CCBE1: variants seen among roughly 807,000 people sequenced by gnomAD.
The protein encoded by CCBE1 is collagen and calcium binding EGF domains 1.
Under a neutral mutation model 50.0 loss-of-function variants are expected in CCBE1, and 37 were observed. The observed-to-expected ratio is 0.74, with a 90% CI of 0.57 to 0.97. The LOEUF (loss-of-function observed/expected upper bound fraction) is 0.97, where lower values mean the gene tolerates loss of function less well. Among genes scored for constraint, CCBE1 ranks in the 50% least tolerant of loss-of-function variants. CCBE1 has a pLI of 0.00. For synonymous variants in CCBE1, 234 were observed against 203.7 expected, an observed-to-expected ratio of 1.15 and a Z score of -1.27; for missense variants, 538 against 523.8, an observed-to-expected ratio of 1.03 and a Z score of -0.26.
At chr18:59,516,404 G>A (rs1221975787) in intron 2 of CCBE1, among the ~76,000 whole-genome samples, 1 of 152,160 alleles carries the variant, frequency 6.6e-6, no homozygotes, top group Non-Finnish European at 1.5e-5. Context: ...ATTAAGGCTG[G>A]GGGATAAGAA....
At chr18:59,508,111 T>C (rs997749590) in intron 2 of CCBE1, among the ~76,000 whole-genome samples, 1 of 151,868 alleles carries the variant, frequency 6.6e-6, no homozygotes, top group Non-Finnish European at 1.5e-5. Context: ...CAGGATGATC[T>C]CAATCTCTGG....
At chr18:59,512,957 A>G (rs542840847) in intron 2 of CCBE1, among the ~76,000 whole-genome samples, 2 of 152,244 alleles carry the variant, frequency 1.3e-5, no homozygotes, top group Non-Finnish European at 2.9e-5. Flanking sequence ...AAAAAAGAAA[A>G]TGAGACTTCT....
chr18:59,478,382 GA>G (rs2143765273), intron 3 of CCBE1, among the ~76,000 whole-genome samples: 1 of 152,236 alleles, frequency 6.6e-6, no homozygotes, highest in South Asian at 2.1e-4. Flanking sequence ...TTTGATGATA[GA>G]AACAATTATG....
At chr18:59,514,743 C>T (rs535268738) in intron 2 of CCBE1, among the ~76,000 whole-genome samples, 5 of 151,582 alleles carry the variant, frequency 3.3e-5, no homozygotes, top group Non-Finnish European at 7.4e-5. Context: ...TACCCTTTGC[C>T]ACGACACAGA....
chr18:59,452,683 T>C (rs752116432), intron 6 of CCBE1, among the ~76,000 whole-genome samples: 7 of 152,212 alleles, frequency 4.6e-5, no homozygotes, highest in Non-Finnish European at 5.9e-5. Flanking sequence ...GCCTGCCCTC[T>C]CGGACGGTTA....
At chr18:59,489,063 A>G (rs1210698453) in intron 2 of CCBE1, among the ~76,000 whole-genome samples, 1 of 152,242 alleles carries the variant, frequency 6.6e-6, no homozygotes, top group East Asian at 1.9e-4. Flanking sequence ...CTGCTCAAAG[A>G]CACAATAATT....
chr18:59,623,097 G>C (rs2144610144), intron 2 of CCBE1, among the ~76,000 whole-genome samples: 1 of 152,272 alleles, frequency 6.6e-6, no homozygotes, highest in East Asian at 1.9e-4. Context: ...CAGAATGTTG[G>C]TAGTGAGGAG....
intron 2 of CCBE1, among the ~76,000 whole-genome samples, chr18:59,518,522 C>G (rs184315516): frequency 6.6e-6 from 1 of 152,336 alleles, no homozygotes; most frequent in East Asian, 1.9e-4. Context: ...TCATCATATT[C>G]ACTGCTGTCT....
At chr18:59,598,394 T>C (rs559226638) in intron 2 of CCBE1, among the ~76,000 whole-genome samples, 2 of 152,304 alleles carry the variant, frequency 1.3e-5, no homozygotes, top group East Asian at 3.9e-4. Flanking sequence ...ACCAGCCACA[T>C]GTGCTGCTCC....
intron 2 of CCBE1, among the ~76,000 whole-genome samples, chr18:59,576,390 AG>A (rs1401979383): frequency 1.3e-5 from 2 of 152,264 alleles, no homozygotes; most frequent in Non-Finnish European, 1.5e-5. Flanking sequence ...CTGTTTTTAA[AG>A]TAGCTCATTA....
chr18:59,482,595 T>C (rs1014065116), intron 2 of CCBE1, among the ~76,000 whole-genome samples: 1 of 152,234 alleles, frequency 6.6e-6, no homozygotes, highest in Non-Finnish European at 1.5e-5. Context: ...TTATAATGCA[T>C]GTAGTTGCAA....
chr18:59,516,026 T>C (rs1270402848), intron 2 of CCBE1, among the ~76,000 whole-genome samples: 1 of 152,214 alleles, frequency 6.6e-6, no homozygotes, highest in Non-Finnish European at 1.5e-5. Flanking sequence ...TGGTGCGATC[T>C]CTGCTCACTG....
rs116006654 is a variant in CCBE1, at chr18:59,500,977, G to A, written c.213-20739C>T. Among the ~76,000 whole-genome samples the A allele has an allele frequency of 9.1e-3, 1,380 of 152,322 alleles. 11 individuals are homozygous for A. Among genetic ancestry groups the A allele is most frequent in the African/African-American group, 0.028 (1,153 of 41,566 alleles). Reference sequence around the variant, plus strand: ...CCACAACCACCCACACATTGGTTCTGTGATTACACCCAGTTTACAGGTGGA... The same window carrying A: ...CCACAACCACCCACACATTGGTTCTATGATTACACCCAGTTTACAGGTGGA... On this transcript the variant is annotated intron_variant, in intron 2 of 10. Transcript: ENST00000439986.
intron 2 of CCBE1, among the ~76,000 whole-genome samples, chr18:59,550,051 T>C (rs968597873): frequency 1.3e-5 from 2 of 152,216 alleles, no homozygotes; most frequent in Non-Finnish European, 2.9e-5. Flanking sequence ...CCTTAAAGCA[T>C]CTCTGGGTCC....
At chr18:59,625,449 A>AAAAAAAAAG (rs2053771279) in intron 2 of CCBE1, among the ~76,000 whole-genome samples, 1 of 151,738 alleles carries the variant, frequency 6.6e-6, no homozygotes, top group African/African-American at 2.4e-5. Context: ...AAAAAAAAAA[A>AAAAAAAAAG]AAAAATTGTA....
intron 7 of CCBE1, among the ~76,000 whole-genome samples, chr18:59,440,624 C>A (rs981454388): frequency 6.6e-6 from 1 of 152,126 alleles, no homozygotes; most frequent in Admixed American, 6.5e-5. Context: ...AGCAAACTCA[C>A]TCTCTCTTGC....
At chr18:59,665,687 A>T (rs906157304) in intron 2 of CCBE1, among the ~76,000 whole-genome samples, 1 of 152,140 alleles carries the variant, frequency 6.6e-6, no homozygotes, top group Non-Finnish European at 1.5e-5. Context: ...TGCACTCAAC[A>T]GCAGCACTGT....
chr18:59,542,281 A>AGT (rs747991341), intron 2 of CCBE1, among the ~76,000 whole-genome samples: 4 of 151,838 alleles, frequency 2.6e-5, no homozygotes, highest in Non-Finnish European at 1.5e-5. Flanking sequence ...TAGAAATCTT[A>AGT]ATAAATTCTT....
intron 2 of CCBE1, among the ~76,000 whole-genome samples, chr18:59,580,351 C>T: frequency 6.6e-6 from 1 of 152,158 alleles, no homozygotes; most frequent in Admixed American, 6.5e-5. Flanking sequence ...CCTGCCTTTT[C>T]CAGACCGAAA....
Sources: gnomAD v4.1 joint callset for allele counts (sites outside exome capture counted in the v4.1 genomes callset) on GRCh38, gnomAD v4.1.1 for gene constraint, MANE v1.5 for transcripts, NCBI Gene and HGNC (gene_info 2026-07-23, HGNC 2026-07-21) for gene names.